The following NFATC1 variants were observed in gnomAD, a reference collection of about 807,000 sequenced individuals.
NFATC1 encodes nuclear factor of activated T-cells, cytoplasmic 1.
A neutral mutation model predicts 76.0 loss-of-function variants in NFATC1; 22 were observed. The ratio of observed to expected loss-of-function variants is 0.29; its 90% confidence interval spans 0.21 to 0.41. NFATC1 has a LOEUF of 0.41. NFATC1 is among the 10% of genes least tolerant of loss of function. NFATC1 has a pLI of 1.00. For missense variants in NFATC1, 1,357 were observed against 1,337.7 expected, an observed-to-expected ratio of 1.01 and a Z score of -0.23; for synonymous variants, 704 against 613.1, an observed-to-expected ratio of 1.15 and a Z score of -2.19.
In NFATC1 at chr18:79,486,942, G is replaced by A. The variant is rs1569022934; in HGVS notation, c.2782+5G>A. On this transcript the variant is annotated splice_donor_5th_base_variant and intron_variant, in intron 9 of 9. Transcript: ENST00000427363. ...ACCAGTTGTACCTGGATGACGGTGA[G>A]TGCCCGCAGCCATGCAGGTGTGTGC... 1.9e-6 allele frequency: 3 copies of A among 1,586,298 alleles called. No individual in the cohort carries two copies. Among genetic ancestry groups the A allele is most frequent in the Middle Eastern group, 1.7e-4 (1 of 5,952 alleles).
intron 6 of NFATC1, among the ~76,000 whole-genome samples, chr18:79,456,594 G>A (rs1242450758): frequency 2.0e-5 from 3 of 151,960 alleles, no homozygotes; most frequent in Non-Finnish European, 4.4e-5. Context: ...GGGAGGAGGT[G>A]AGGGTCAGGG....
chr18:79,506,717 T>C (rs1026018885), intron 9 of NFATC1, among the ~76,000 whole-genome samples: 3 of 152,176 alleles, frequency 2.0e-5, no homozygotes, highest in East Asian at 1.9e-4. Flanking sequence ...CAGTTACTTA[T>C]TGTGTTGCTT....
At chr18:79,397,227 G>A (rs1440890087) in intron 1 of NFATC1, among the ~76,000 whole-genome samples, 2 of 152,226 alleles carry the variant, frequency 1.3e-5, no homozygotes, top group South Asian at 2.1e-4. Flanking sequence ...ATACGAGTTA[G>A]GGATTAGGGA....
At chr18:79,456,566 G>C (rs1486421804) in intron 6 of NFATC1, among the ~76,000 whole-genome samples, 2 of 152,252 alleles carry the variant, frequency 1.3e-5, no homozygotes, top group Admixed American at 1.3e-4. Context: ...CCTAGGGTCT[G>C]GTTCTTTCTC....
chr18:79,458,964 CAGAA>C (rs1278100839), intron 6 of NFATC1, among the ~76,000 whole-genome samples: 1 of 152,246 alleles, frequency 6.6e-6, no homozygotes, highest in Non-Finnish European at 1.5e-5. Flanking sequence ...TAAGCAGAAA[CAGAA>C]AGCCTGCCCT....
At chr18:79,501,131 G>A (rs1439559166) in intron 9 of NFATC1, among the ~76,000 whole-genome samples, 1 of 152,140 alleles carries the variant, frequency 6.6e-6, no homozygotes, top group African/African-American at 2.4e-5. Flanking sequence ...TTTACACCAT[G>A]ACCAAGTGGG....
At position 79,398,924 on chromosome 18, in the gene NFATC1, G is replaced by A. The variant is rs186458374; in HGVS notation, c.127+2573G>A. 7.6e-4 allele frequency among the ~76,000 whole-genome samples: 116 copies of A among 152,312 alleles called. 1 individual carries two copies. The highest frequency in any genetic ancestry group is 2.6e-3 in the African/African-American group (110 of 41,576). On this transcript the variant is annotated intron_variant, in intron 1 of 9. Transcript: ENST00000427363. ...TCTACTAAAACTACAAAAATTAGCT[G>A]AGAGTGGTGGCGGGTGCCTGTAGTC... is the stretch of plus-strand genomic sequence containing the variant.
At chr18:79,418,505 CCTT>C (rs1287751573) in intron 2 of NFATC1, among the ~76,000 whole-genome samples, 3 of 152,204 alleles carry the variant, frequency 2.0e-5, no homozygotes, top group African/African-American at 7.2e-5. Context: ...CCCAGACTGG[CCTT>C]CTGCTCTCGT....
intron 8 of NFATC1, among the ~76,000 whole-genome samples, chr18:79,484,922 C>T (rs943797292): frequency 6.6e-6 from 1 of 152,258 alleles, no homozygotes; most frequent in African/African-American, 2.4e-5. Flanking sequence ...TGCAGGAAAA[C>T]GCCGTCTCCA....
At chr18:79,495,179 G>A (rs941895521) in intron 9 of NFATC1, among the ~76,000 whole-genome samples, 37 of 152,374 alleles carry the variant, frequency 2.4e-4, no homozygotes, top group African/African-American at 8.4e-4. Flanking sequence ...GTCTCCCGCC[G>A]TGGCGTGCAG....
At chr18:79,441,142 G>A (rs766297071) in intron 3 of NFATC1, among the ~76,000 whole-genome samples, 5 of 152,198 alleles carry the variant, frequency 3.3e-5, no homozygotes, top group Admixed American at 6.5e-5. Flanking sequence ...CTCACCCTGC[G>A]AGGCTCCCTG....
chr18:79,482,028 G>A (rs536075998), intron 8 of NFATC1, among the ~76,000 whole-genome samples: 3 of 147,444 alleles, frequency 2.0e-5, no homozygotes, highest in African/African-American at 7.6e-5. Context: ...TGGTTCCTGG[G>A]GTGTCATTCC....
intron 8 of NFATC1, 38 bp downstream of exon 8, chr18:79,467,620 G>A: frequency 6.2e-7 from 1 of 1,606,486 alleles, no homozygotes; most frequent in Non-Finnish European, 8.5e-7. Context: ...GTGAACATGA[G>A]CGCGTGGGGT....
At chr18:79,489,803 G>T (rs1463031398) in intron 9 of NFATC1, among the ~76,000 whole-genome samples, 1 of 152,218 alleles carries the variant, frequency 6.6e-6, no homozygotes, top group African/African-American at 2.4e-5. Context: ...CACTGTTCTG[G>T]TCACAGTTTA....
intron 3 of NFATC1, among the ~76,000 whole-genome samples, chr18:79,436,677 G>A (rs2086790027): frequency 6.6e-6 from 1 of 152,200 alleles, no homozygotes. Context: ...TTAGGAAAGG[G>A]TGTTTGCTCC....
rs542402566 is a variant in NFATC1 at position 79,455,115 on chromosome 18, A to G, written c.1903+3299A>G. ...GTTCTGAGATGTGGATGCATCAAAC[A>G]TGAGCCAGTTCTCGATGCTGGAGCT... On this transcript the variant is annotated intron_variant, in intron 6 of 9. Transcript: ENST00000427363. Among the ~76,000 whole-genome samples the G allele has an allele frequency of 9.8e-5, 15 of 152,334 alleles. No homozygotes were observed. In the East Asian group the frequency reaches 2.9e-3, roughly 29 times the overall value.
intron 1 of NFATC1, among the ~76,000 whole-genome samples, chr18:79,406,166 G>T (rs942902847): frequency 6.6e-6 from 1 of 152,214 alleles, no homozygotes; most frequent in Admixed American, 6.5e-5. Flanking sequence ...TCTGTTAATT[G>T]CTAGGGTTTT....
chr18:79,419,183 CT>C (rs2085981693), intron 2 of NFATC1, among the ~76,000 whole-genome samples: 1 of 152,116 alleles, frequency 6.6e-6, no homozygotes, highest in Non-Finnish European at 1.5e-5. Flanking sequence ...GGCACCACAC[CT>C]GGCTAATTGT....
Position 79,486,840 on chromosome 18 carries a change from G to A in NFATC1, c.2685G>A (p.Leu895=). Residue 895 remains leucine (L), a synonymous_variant, in exon 9 of 10, where the codon CTG becomes CTA. Transcript: ENST00000427363. Reference sequence around the variant, plus strand: ...CTCCGACTGCCGGGCCACGGCTGCTGCCAGAGGTGCATGAGGACGGTAGTC... The same window carrying A: ...CTCCGACTGCCGGGCCACGGCTGCTACCAGAGGTGCATGAGGACGGTAGTC... ...DESPTAGPRL[L]PEVHEDGSPN... 6.2e-7 allele frequency: 1 copy of A among 1,611,928 alleles called. No homozygotes were observed. Among genetic ancestry groups the A allele is most frequent in the Non-Finnish European group, 8.5e-7 (1 of 1,179,548 alleles).
Sources: gnomAD v4.1 joint callset for allele counts (sites outside exome capture counted in the v4.1 genomes callset) on GRCh38, gnomAD v4.1.1 for gene constraint, MANE v1.5 for transcripts, NCBI Gene and HGNC (gene_info 2026-07-23, HGNC 2026-07-21) for gene names.